Variants in EPB41L4B observed in about 807,000 individuals in gnomAD.
EPB41L4B encodes erythrocyte membrane protein band 4.1 like 4B.
In EPB41L4B, 30 loss-of-function variants were observed where a neutral mutation model predicts 112.5. The ratio of observed to expected loss-of-function variants is 0.27; its 90% CI spans 0.20 to 0.36. EPB41L4B has a LOEUF of 0.36. EPB41L4B is among the 10% of genes least tolerant of loss of function. The pLI is 1.00. For synonymous variants in EPB41L4B, 408 were observed against 439.7 expected (o/e 0.93, Z 0.90); for missense variants, 1,024 against 1,133.3 (o/e 0.90, Z 1.38).
chr9:109,210,053 GT>G (rs1176390814), intron 17 of EPB41L4B, among the ~76,000 whole-genome samples: 2 of 151,788 alleles, frequency 1.3e-5, no homozygotes, highest in African/African-American at 2.4e-5. Flanking sequence ...GCACTTTCAG[GT>G]TAGATTCTTT....
At chr9:109,225,043 C>T (rs1231186061) in intron 15 of EPB41L4B, among the ~76,000 whole-genome samples, 1 of 152,180 alleles carries the variant, frequency 6.6e-6, no homozygotes, top group Non-Finnish European at 1.5e-5. Flanking sequence ...CCAAGTCCTC[C>T]TCAGAACCCC....
chr9:109,203,842 G>C lies in EPB41L4B; in HGVS notation c.1879-112C>G, dbSNP rs545062767. On this transcript the variant is annotated intron_variant, in intron 18 of 25. Transcript: ENST00000374566. ...TAGAAATTGGCAAGTGGACCAAAGA[G>C]GTAGTTCACCAAGTACTCAATCAAT... The C allele has an allele frequency of 1.0e-4, 83 of 808,612 alleles. No individual in the cohort carries two copies. The East Asian group carries it at 2.0e-3, about 19-fold the overall frequency. The allele number at this position is 808,612 out of a possible 1,614,324, so 50.1% of individuals were successfully genotyped here. A position where few individuals can be genotyped will look rare whatever the true frequency, so the allele number is the denominator to read the frequency against.
chr9:109,234,918 T>C (rs1004167398), intron 15 of EPB41L4B, among the ~76,000 whole-genome samples: 4 of 152,238 alleles, frequency 2.6e-5, no homozygotes, highest in Non-Finnish European at 4.4e-5. Flanking sequence ...TCCCTTTTGT[T>C]ACTAACTTTC....
intron 22 of EPB41L4B, among the ~76,000 whole-genome samples, chr9:109,190,982 G>A (rs1401123073): frequency 6.6e-6 from 1 of 152,182 alleles, no homozygotes. Context: ...CTGACTTGCG[G>A]AGGCAGGCCT....
chr9:109,297,823 A>C (rs1350959599), intron 1 of EPB41L4B, among the ~76,000 whole-genome samples: 3 of 152,212 alleles, frequency 2.0e-5, no homozygotes, highest in Non-Finnish European at 4.4e-5. Context: ...TGTACATAAG[A>C]AGCAGAACTT....
chr9:109,219,630 A>C (rs1018877552), intron 15 of EPB41L4B, among the ~76,000 whole-genome samples: 9 of 152,226 alleles, frequency 5.9e-5, no homozygotes, highest in Non-Finnish European at 1.2e-4. Context: ...CTGGGATTAC[A>C]GGCGTGAGCC....
At chr9:109,316,308 C>T (rs544818400) in intron 1 of EPB41L4B, among the ~76,000 whole-genome samples, 86 of 152,342 alleles carry the variant, frequency 5.6e-4, no homozygotes, top group African/African-American at 2.0e-3. Context: ...GGCGGGAGTG[C>T]TAACTGGCCG....
chr9:109,253,938 A>G (rs990550499), intron 11 of EPB41L4B, among the ~76,000 whole-genome samples: 2 of 152,238 alleles, frequency 1.3e-5, no homozygotes, highest in African/African-American at 2.4e-5. Flanking sequence ...CCACTTAACT[A>G]GGTCTCAGCT....
At chr9:109,206,146 T>A (rs1832984999) in intron 18 of EPB41L4B, among the ~76,000 whole-genome samples, 1 of 152,246 alleles carries the variant, frequency 6.6e-6, no homozygotes, top group Non-Finnish European at 1.5e-5. Flanking sequence ...AGATAGTTTT[T>A]AAAATTTATT....
rs982449399 is a variant in EPB41L4B at position 109,174,923 on chromosome 9, T to G, written c.2634-300A>C. 4.0e-4 allele frequency among the ~76,000 whole-genome samples: 57 copies of G among 142,918 alleles called. 2 individuals are homozygous for G. Among genetic ancestry groups the G allele is most frequent in the African/African-American group, 1.3e-3 (51 of 39,106 alleles). The allele number at this position is 142,918 out of a possible 152,430, so 93.8% of individuals were successfully genotyped here. On this transcript the variant is annotated intron_variant, in intron 25 of 25. Transcript: ENST00000374566. ...CCACTCAGTAAAGTGTTTTTTTTTT[T>G]TTTTTTTTTTTGAGATGGAGTCTCA...
At chr9:109,292,323 G>T (rs944072833) in intron 1 of EPB41L4B, among the ~76,000 whole-genome samples, 1 of 152,166 alleles carries the variant, frequency 6.6e-6, no homozygotes, top group Non-Finnish European at 1.5e-5. Flanking sequence ...CAGACACACT[G>T]GCTAATATAC....
chr9:109,206,662 G>A (rs1227615881), intron 18 of EPB41L4B, among the ~76,000 whole-genome samples: 2 of 152,220 alleles, frequency 1.3e-5, no homozygotes, highest in African/African-American at 2.4e-5. Flanking sequence ...AGGGTCACAG[G>A]GAAAGAGTCA....
At chr9:109,253,847 T>C (rs779539392) in intron 11 of EPB41L4B, among the ~76,000 whole-genome samples, 1 of 152,194 alleles carries the variant, frequency 6.6e-6, no homozygotes, top group Non-Finnish European at 1.5e-5. Context: ...TAAGAGAACA[T>C]TGATTTTCAC....
chr9:109,291,876 C>A (rs943079928), intron 1 of EPB41L4B, among the ~76,000 whole-genome samples: 4 of 152,136 alleles, frequency 2.6e-5, no homozygotes, highest in African/African-American at 7.2e-5. Flanking sequence ...CTTCGACTCA[C>A]GGAGGGATCA....
intron 11 of EPB41L4B, among the ~76,000 whole-genome samples, chr9:109,254,644 T>TAC (rs1834914535): frequency 6.6e-6 from 1 of 152,170 alleles, no homozygotes; most frequent in Non-Finnish European, 1.5e-5. Flanking sequence ...GCCTTACACA[T>TAC]ACACACACAT....
intron 20 of EPB41L4B, 81 bp downstream of exon 20, chr9:109,200,155 A>G (rs751834664): frequency 3.4e-4 from 411 of 1,214,328 alleles, no homozygotes; most frequent in Non-Finnish European, 4.8e-4. Context: ...GGGACTAGTC[A>G]GAAGGGCTAA....
Position 109,287,758 on chromosome 9 carries a change from C to T in EPB41L4B, c.307-7837G>A, listed in dbSNP as rs577792525. On this transcript the variant is annotated intron_variant, in intron 1 of 25. Coordinates refer to ENST00000374566, the MANE Select transcript of EPB41L4B (RefSeq NM_019114.5). ...AAGCGATCCTCCCACCTCAGCCTCC[C>T]GAGTAGCTGAGACCACAGGTGTACT... 8.3e-4 allele frequency among the ~76,000 whole-genome samples: 126 copies of T among 152,276 alleles called. 1 individual carries two copies. In the South Asian group the frequency reaches 0.024, roughly 29 times the overall value.
rs556107644 is a variant in EPB41L4B at position 109,320,480 on chromosome 9, G to GCGCTGC, written c.-40_-35dup. 105,583 of 922,910 alleles carry GCGCTGC rather than the reference G, an allele frequency of 0.11. 10,561 individuals are homozygous for GCGCTGC. The highest frequency in any genetic ancestry group is 0.4 in the African/African-American group (21,011 of 52,810). The allele number at this position is 922,910 out of a possible 1,614,324, so 57.2% of individuals were successfully genotyped here. ...GGGGCGCCCCCTGCCTCCGCCCCCT[G>GCGCTGC]CGCTGCCGCTGCCGCTGCCGCTGCC... On this transcript the variant is annotated 5_prime_UTR_variant, in exon 1 of 26. Transcript: ENST00000374566.
At chr9:109,249,072 A>AAAAAAAAAATAT in intron 13 of EPB41L4B, among the ~76,000 whole-genome samples, 1 of 130,900 alleles carries the variant, frequency 7.6e-6, no homozygotes, top group East Asian at 2.2e-4. Flanking sequence ...AAAAAAAAAA[A>AAAAAAAAAATAT]ATATATATAT....
Sources: allele counts gnomAD v4.1 joint callset (sites outside exome capture counted in the v4.1 genomes callset), GRCh38; gene constraint gnomAD v4.1.1; transcripts MANE v1.5; gene names NCBI Gene and HGNC (gene_info 2026-07-23, HGNC 2026-07-21).